The following OPTC variants were observed in gnomAD, a reference collection of about 807,000 sequenced individuals.
OPTC encodes the protein opticin.
A neutral mutation model predicts 25.4 loss-of-function variants in OPTC; 22 were observed. The observed-to-expected ratio is 0.87, with a 90% confidence interval of 0.62 to 1.24. OPTC has a LOEUF of 1.24. OPTC is among the 50% of genes most tolerant of loss of function. OPTC has a pLI of 0.00. For synonymous variants in OPTC, 169 were observed against 179.3 expected (o/e 0.94, Z 0.46); for missense variants, 417 against 425.2 (o/e 0.98, Z 0.17).
At position 203,499,680 on chromosome 1, in the gene OPTC, C is replaced by A; in HGVS notation, c.561C>A (p.Asn187Lys). The change falls in exon 5 of 8, where the codon AAC becomes AAA. Residue 187 changes from asparagine (N) to lysine (K), a missense_variant. Asn to Lys is a moderately conservative substitution (Grantham distance 94). Transcript: ENST00000367222. The stretch of plus-strand genomic sequence containing the variant: ...TGAAGAGGATTGACCTCTCCAACAA[C>A]CTCATTTCCTCCATCGATAATGATG... Reference protein sequence around the residue: ...TKLKRIDLSNNLISSIDNDAF... With the variant: ...TKLKRIDLSNKLISSIDNDAF... The A allele has an allele frequency of 6.2e-7, 1 of 1,613,660 alleles. No homozygotes were observed. The highest frequency in any genetic ancestry group is 8.5e-7 in the Non-Finnish European group (1 of 1,179,952).
rs1661294951 is a variant in OPTC, at chr1:203,497,182, AG to A, written c.370+72del. 6 of 1,579,146 alleles carry A rather than the reference AG, an allele frequency of 3.8e-6. No homozygotes were observed. The Admixed American group carries it at 6.9e-5, about 18-fold the overall frequency. ...GGCCAAGCAGCTATGACCCAGCACCAGGGGGTACCAAAGTGGAACGTGGTTG... is the reference window on the plus strand; with the variant it reads ...GGCCAAGCAGCTATGACCCAGCACCAGGGGTACCAAAGTGGAACGTGGTTG... On this transcript the variant is annotated intron_variant, in intron 3 of 7. Coordinates refer to ENST00000367222, the MANE Select transcript of OPTC (RefSeq NM_014359.4).
rs2242199 is a variant in OPTC at position 203,496,268 on chromosome 1, T to C, written c.231+32T>C. ...GACACAGCAGACCAACTACATTCCC[T>C]GCATGACACTGGGAGTCAGAGGCCA... On this transcript the variant is annotated intron_variant, in intron 2 of 7. Coordinates refer to ENST00000367222, the MANE Select transcript of OPTC (RefSeq NM_014359.4). 603,058 of 1,504,090 alleles carry C rather than the reference T, an allele frequency of 0.4. 122,013 individuals are homozygous for C. The highest frequency in any genetic ancestry group is 0.51 in the East Asian group (22,481 of 44,296). 93.2% of individuals were successfully genotyped at this position (1,504,090 alleles called of 1,614,324 possible). A position where few individuals can be genotyped will look rare whatever the true frequency, so the allele number is the denominator to read the frequency against.
rs201975846 is a variant in OPTC at position 203,498,801 on chromosome 1, G to T, written c.491G>T (p.Arg164Leu). ...RTAYLYARFN[R>L]ISRIRAEDFK... ...GCCTACCTGTATGCACGCTTCAACC[G>T]CATCAGCCGTATCAGGGCCGAAGAC... The change falls in exon 4 of 8, where the codon CGC (arginine) becomes CTC (leucine). Residue 164 changes from arginine (R) to leucine (L), a missense_variant. Arg to Leu is a moderately radical substitution (Grantham distance 102). Transcript: ENST00000367222. The T allele has an allele frequency of 9.2e-4, 1,492 of 1,613,990 alleles. 8 individuals carry two copies. Among genetic ancestry groups the T allele is most frequent in the East Asian group, 4.8e-3 (214 of 44,880 alleles).
intron 3 of OPTC, among the ~76,000 whole-genome samples, chr1:203,497,965 C>T (rs1349771549): frequency 1.3e-5 from 2 of 152,154 alleles, no homozygotes; most frequent in Non-Finnish European, 1.5e-5. Flanking sequence ...AGAGTTATTC[C>T]TTGAGTTGAG....
At chr1:203,500,689 C>A (rs1661379500) in intron 5 of OPTC, among the ~76,000 whole-genome samples, 1 of 152,212 alleles carries the variant, frequency 6.6e-6, no homozygotes, top group Non-Finnish European at 1.5e-5. Flanking sequence ...GCATCCCTAA[C>A]CTGAAATCCA....
intron 7 of OPTC, among the ~76,000 whole-genome samples, chr1:203,504,244 T>C (rs1036874007): frequency 7.2e-5 from 11 of 152,234 alleles, no homozygotes; most frequent in African/African-American, 2.7e-4. Flanking sequence ...AAATATATTA[T>C]ATTGAAAACA....
Position 203,496,994 on chromosome 1 carries a change from C to A in OPTC, c.249C>A (p.Leu83=), listed in dbSNP as rs907985750. 6.2e-7 allele frequency: 1 copy of A among 1,613,960 alleles called. No homozygotes were observed. The highest frequency in any genetic ancestry group is 1.3e-5 in the African/African-American group (1 of 74,886). The part of the protein sequence containing the change: ...DQLPEVKVTS[L]APATSISPAK... ...ATCTCCAGGTTAAGGTGACTAGCCT[C>A]GCTCCTGCAACCAGCATCAGTCCCG... The change falls in exon 3 of 8, where the codon CTC becomes CTA. Residue 83 remains leucine, a synonymous_variant. Coordinates refer to ENST00000367222, the MANE Select transcript of OPTC (RefSeq NM_014359.4).
intron 5 of OPTC, 108 bp downstream of exon 5, chr1:203,499,959 C>T (rs1387859380): frequency 2.2e-6 from 2 of 892,364 alleles, no homozygotes; most frequent in East Asian, 5.1e-5. Context: ...CACCCACCTC[C>T]ACCTCTACCA....
chr1:203,503,131 G>C, intron 6 of OPTC, 122 bp downstream of exon 6: 1 of 767,444 alleles, frequency 1.3e-6, no homozygotes, highest in South Asian at 1.5e-5. Flanking sequence ...TCCTTGATTG[G>C]AGGGTTTATT....
At chr1:203,498,926 C>T in intron 4 of OPTC, 87 bp downstream of exon 4, 2 of 1,427,184 alleles carry the variant, frequency 1.4e-6, no homozygotes, top group Non-Finnish European at 2.0e-6. Flanking sequence ...TGTGTTAGTG[C>T]CCCCCGTGTT....
intron 4 of OPTC, among the ~76,000 whole-genome samples, chr1:203,499,310 G>A (rs143779359): frequency 2.6e-4 from 39 of 152,216 alleles, no homozygotes; most frequent in African/African-American, 8.7e-4. Context: ...CCAGGCCTCA[G>A]TGCCCTTTTG....
At chr1:203,504,466 A>C (rs1036415487) in intron 7 of OPTC, among the ~76,000 whole-genome samples, 2 of 152,322 alleles carry the variant, frequency 1.3e-5, no homozygotes, top group Admixed American at 1.3e-4. Context: ...CACTACAGAA[A>C]TTGGTAAACA....
rs754403593 is a variant in OPTC, at chr1:203,508,638, C to T, written c.*26-8C>T. On this transcript the variant is annotated splice_region_variant and splice_polypyrimidine_tract_variant and intron_variant, in intron 7 of 7. Transcript: ENST00000367222. Reference sequence around the variant, plus strand: ...ACCAGCTCAATTTTGTCTCTCCTCTCTCTCAAGGTCATCTCTTGGACCAGC... The same window carrying T: ...ACCAGCTCAATTTTGTCTCTCCTCTTTCTCAAGGTCATCTCTTGGACCAGC... The T allele has an allele frequency of 1.1e-4, 16 of 151,906 alleles. No individual in the cohort carries two copies. Among genetic ancestry groups the T allele is most frequent in the Non-Finnish European group, 1.6e-4 (11 of 68,020 alleles). 9.4% of individuals were successfully genotyped at this position (151,906 alleles called of 1,614,324 possible). A position where few individuals can be genotyped will look rare whatever the true frequency, so the allele number is the denominator to read the frequency against.
At chr1:203,506,398 G>T (rs1017465872) in intron 7 of OPTC, among the ~76,000 whole-genome samples, 2 of 151,632 alleles carry the variant, frequency 1.3e-5, no homozygotes, top group African/African-American at 4.8e-5. Flanking sequence ...TGATCTGCCC[G>T]CCTCGGCCTC....
At chr1:203,503,524 G>A in intron 6 of OPTC, 26 bp from the exon 7 acceptor site, 1 of 1,611,828 alleles carries the variant, frequency 6.2e-7, no homozygotes, top group African/African-American at 1.3e-5. Flanking sequence ...TCTTGGTGAG[G>A]CTCAGCTGGT....
rs765806462 is a variant in OPTC, at chr1:203,503,703, A to T, written c.982A>T (p.Ile328Phe). 29 of 1,608,426 alleles carry T rather than the reference A, an allele frequency of 1.8e-5. 2 individuals are homozygous for T. The South Asian group carries it at 3.1e-4, about 17-fold the overall frequency. Residue 328 changes from isoleucine (I) to phenylalanine (F), a missense_variant, in exon 7 of 8, where the codon ATC becomes TTC. Coordinates refer to ENST00000367222, the MANE Select transcript of OPTC (RefSeq NM_014359.4). The part of the protein sequence containing the change: ...SAYFCLPRLP[I>F]GRFT ...CTACTTCTGCCTGCCTCGGCTCCCC[A>T]TCGGCCGCTTCACGTAGCTCGGAGC...
intron 5 of OPTC, among the ~76,000 whole-genome samples, chr1:203,502,427 T>G (rs965322470): frequency 6.6e-6 from 1 of 152,172 alleles, no homozygotes; most frequent in African/African-American, 2.4e-5. Flanking sequence ...GGCATGAGGC[T>G]TAGGCAGCTG....
At chr1:203,497,871 TG>T (rs1445962227) in intron 3 of OPTC, among the ~76,000 whole-genome samples, 1 of 152,142 alleles carries the variant, frequency 6.6e-6, no homozygotes, top group Non-Finnish European at 1.5e-5. Context: ...AGAAAGATGC[TG>T]GGGCCCCTCT....
rs900766755 is a variant in OPTC, at chr1:203,496,705, A to C, written c.232-272A>C. On this transcript the variant is annotated intron_variant, in intron 2 of 7. Transcript: ENST00000367222. Reference sequence around the variant, plus strand: ...TGCCGGCCTGGGAAATCGGGAGAGCAGGTTTCGTCTCTGCCTTGACCACCT... The same window carrying C: ...TGCCGGCCTGGGAAATCGGGAGAGCCGGTTTCGTCTCTGCCTTGACCACCT... Among the ~76,000 whole-genome samples the C allele has an allele frequency of 9.2e-5, 14 of 152,130 alleles. No individual in the cohort carries two copies. The East Asian group carries it at 2.7e-3, about 29-fold the overall frequency.
Sources: allele counts gnomAD v4.1 joint callset (sites outside exome capture counted in the v4.1 genomes callset), GRCh38; gene constraint gnomAD v4.1.1; transcripts MANE v1.5; gene names NCBI Gene and HGNC (gene_info 2026-07-23, HGNC 2026-07-21).